The following ZNF474 variants were observed in gnomAD, a reference collection of about 807,000 sequenced individuals.
ZNF474 encodes zinc finger protein 474, also known as 4933409D10Rik.
For missense variants in ZNF474, 511 were observed against 433.8 expected, an observed-to-expected ratio of 1.18 and a Z score of -1.58; for synonymous variants, 192 against 162.2, an observed-to-expected ratio of 1.18 and a Z score of -1.39.
chr5:122,143,280 A>G (rs1018840641), intron 1 of ZNF474, among the ~76,000 whole-genome samples: 3 of 152,300 alleles, frequency 2.0e-5, no homozygotes, highest in Middle Eastern at 6.8e-3. Context: ...CCACCTGGAC[A>G]CACAGAAGTG....
At chr5:122,137,872 G>T (rs1465314321) in intron 1 of ZNF474, among the ~76,000 whole-genome samples, 1 of 152,244 alleles carries the variant, frequency 6.6e-6, no homozygotes, top group Non-Finnish European at 1.5e-5. Context: ...CTCTGAAAAG[G>T]ATAGATGAGG....
intron 1 of ZNF474, among the ~76,000 whole-genome samples, chr5:122,148,573 C>T (rs1213841804): frequency 1.3e-5 from 2 of 152,116 alleles, no homozygotes; most frequent in Admixed American, 6.6e-5. Flanking sequence ...ACACATCATT[C>T]ATCGTTGGTC....
chr5:122,151,362 C>G (rs1035677381), intron 1 of ZNF474, among the ~76,000 whole-genome samples: 5 of 152,146 alleles, frequency 3.3e-5, no homozygotes, highest in Admixed American at 2.0e-4. Flanking sequence ...GTGGAAGTTT[C>G]TGTGGGGCCC....
rs76886840 is a variant in ZNF474, at chr5:122,151,856, G to A, written c.-135G>A. 28 of 1,073,588 alleles carry A rather than the reference G, an allele frequency of 2.6e-5. No individual in the cohort carries two copies. The highest frequency in any genetic ancestry group is 1.5e-4 in the East Asian group (6 of 40,942). The allele number at this position is 1,073,588 out of a possible 1,614,324, so 66.5% of individuals were successfully genotyped here. A position where few individuals can be genotyped will look rare whatever the true frequency, so the allele number is the denominator to read the frequency against. ...GTCCTGCAATGAAGCTCTGAGTCAC[G>A]GTCTGTGAGGCTAAGGTACTGGCAA... On this transcript the variant is annotated 5_prime_UTR_variant, in exon 2 of 2. Transcript: ENST00000296600.
At chr5:122,130,342 C>A (rs1447283591) in intron 1 of ZNF474, among the ~76,000 whole-genome samples, 3 of 152,154 alleles carry the variant, frequency 2.0e-5, no homozygotes, top group Admixed American at 1.3e-4. Context: ...TCCTTTCCAG[C>A]CAATCTTCCC....
At chr5:122,145,951 C>T (rs1392515461) in intron 1 of ZNF474, among the ~76,000 whole-genome samples, 3 of 152,148 alleles carry the variant, frequency 2.0e-5, no homozygotes, top group Non-Finnish European at 4.4e-5. Context: ...CACAGACTGG[C>T]TGGTGATTGC....
chr5:122,132,890 A>C (rs1755613630), intron 1 of ZNF474, among the ~76,000 whole-genome samples: 1 of 152,182 alleles, frequency 6.6e-6, no homozygotes, highest in South Asian at 2.1e-4. Flanking sequence ...AAGCCAACTT[A>C]TATTATTTGA....
intron 1 of ZNF474, among the ~76,000 whole-genome samples, chr5:122,136,413 A>G (rs987404893): frequency 4.6e-5 from 7 of 152,176 alleles, no homozygotes; most frequent in Admixed American, 4.6e-4. Context: ...AGGGAAGCCA[A>G]ACTCTGTGAT....
chr5:122,152,684 G>C lies in ZNF474; in HGVS notation c.694G>C (p.Gly232Arg). Residue 232 changes from glycine to arginine, a missense_variant, in exon 2 of 2, where the codon GGC (glycine) becomes CGC (arginine). Transcript: ENST00000296600. ...VICYICGKEF[G>R]TLSLPIHEPK... ...CTGCTACATATGTGGTAAGGAATTTGGCACCCTGTCCCTTCCTATTCATGA... is the reference window on the plus strand; with the variant it reads ...CTGCTACATATGTGGTAAGGAATTTCGCACCCTGTCCCTTCCTATTCATGA... 1 of 1,614,132 alleles carries C rather than the reference G, an allele frequency of 6.2e-7. No homozygotes were observed.
chr5:122,144,515 TC>T (rs769392231), intron 1 of ZNF474, among the ~76,000 whole-genome samples: 3 of 152,128 alleles, frequency 2.0e-5, no homozygotes, highest in Non-Finnish European at 4.4e-5. Context: ...AAACCAAAAA[TC>T]CTTATTTTAT....
chr5:122,144,449 A>G (rs1157581354), intron 1 of ZNF474, among the ~76,000 whole-genome samples: 2 of 152,174 alleles, frequency 1.3e-5, no homozygotes, highest in African/African-American at 2.4e-5. Flanking sequence ...CTTATGTTAG[A>G]TGTTGCCACA....
At chr5:122,146,619 A>C (rs1025737583) in intron 1 of ZNF474, among the ~76,000 whole-genome samples, 1 of 152,170 alleles carries the variant, frequency 6.6e-6, no homozygotes, top group African/African-American at 2.4e-5. Context: ...GATATCTCTC[A>C]ATTAGTATTA....
At chr5:122,133,209 T>C (rs1755619689) in intron 1 of ZNF474, among the ~76,000 whole-genome samples, 2 of 152,262 alleles carry the variant, frequency 1.3e-5, no homozygotes, top group Non-Finnish European at 2.9e-5. Flanking sequence ...ATTGGGCATC[T>C]ACTATATTCC....
chr5:122,146,758 C>T (rs1263429804), intron 1 of ZNF474, among the ~76,000 whole-genome samples: 2 of 152,162 alleles, frequency 1.3e-5, no homozygotes. Context: ...TACCAGGGAC[C>T]CAAGTCCATC....
intron 1 of ZNF474, among the ~76,000 whole-genome samples, chr5:122,147,672 G>A (rs1756027571): frequency 6.6e-6 from 1 of 152,114 alleles, no homozygotes; most frequent in African/African-American, 2.4e-5. Context: ...ATGGTTTCCA[G>A]CTTTATCCAT....
intron 1 of ZNF474, among the ~76,000 whole-genome samples, chr5:122,141,298 C>CTTTTTT (rs1755838890): frequency 9.8e-6 from 1 of 102,200 alleles, no homozygotes; most frequent in African/African-American, 4.3e-5. Context: ...TTACCCCTGG[C>CTTTTTT]TATTTTTTTT....
intron 1 of ZNF474, among the ~76,000 whole-genome samples, chr5:122,131,530 A>G (rs1032834124): frequency 2.0e-5 from 3 of 152,132 alleles, no homozygotes; most frequent in Admixed American, 1.3e-4. Flanking sequence ...ACTTGAGGAC[A>G]TTATACTAAG....
chr5:122,140,280 T>C (rs879779235), intron 1 of ZNF474, among the ~76,000 whole-genome samples: 1 of 152,156 alleles, frequency 6.6e-6, no homozygotes, highest in Admixed American at 6.6e-5. Flanking sequence ...CACATACGAG[T>C]GCAAATAAAA....
In ZNF474 at chr5:122,152,386, G is replaced by A. The variant is rs549819834; in HGVS notation, c.396G>A (p.Arg132=). Residue 132 remains arginine, a synonymous_variant, in exon 2 of 2, where the codon AGG becomes AGA. Coordinates refer to ENST00000296600, the MANE Select transcript of ZNF474 (RefSeq NM_207317.3). The part of the protein sequence containing the change: ...IENSKLPKHL[R]RPEPSKPQSL... ...ACAGCAAGTTGCCCAAGCATTTGAG[G>A]AGGCCAGAACCCTCCAAACCACAGT... 6.2e-6 allele frequency: 10 copies of A among 1,614,168 alleles called. No individual in the cohort carries two copies. In the South Asian group the frequency reaches 9.9e-5, roughly 16 times the overall value.
Sources: allele counts gnomAD v4.1 joint callset (sites outside exome capture counted in the v4.1 genomes callset), GRCh38; gene constraint gnomAD v4.1.1; transcripts MANE v1.5; gene names NCBI Gene and HGNC (gene_info 2026-07-23, HGNC 2026-07-21).